EVC2: variants seen among roughly 807,000 people sequenced by gnomAD.
EVC2 encodes the protein limbin.
EVC2 carries 148 observed loss-of-function variants against 149.3 expected under a neutral mutation model. That is an observed-to-expected ratio of 0.99 (90% CI 0.87 to 1.14). The LOEUF is 1.14. Ranked by LOEUF, EVC2 falls within the 50% of genes most tolerant of loss-of-function variation. The probability of loss-of-function intolerance (pLI) is 0.00; values close to 1 mark genes in which losing one functional copy is unlikely to be tolerated. For synonymous variants in EVC2, 776 were observed against 649.9 expected (o/e 1.19, Z -2.95); for missense variants, 1,854 against 1,627.3 (o/e 1.14, Z -2.40).
rs1403003268 is a variant in EVC2 at position 5,657,419 on chromosome 4, G to A, written c.1145+5688C>T. Among the ~76,000 whole-genome samples, 1 of 152,024 alleles carries A rather than the reference G, an allele frequency of 6.6e-6. No homozygotes were observed. The highest frequency in any genetic ancestry group is 1.5e-5 in the Non-Finnish European group (1 of 68,004). On this transcript the variant is annotated intron_variant, in intron 9 of 21. Transcript: ENST00000344408. The surrounding 1 kb of genome is among the most constrained non-coding windows in gnomAD (Gnocchi z 4.7). ...TCCTTCCATCAAACAGAATCTCCCT[G>A]CAAGAGTGTCCCAGCCACAGGACAT... is the stretch of plus-strand genomic sequence containing the variant.
chr4:5,555,897 T>C (rs183439300), intron 21 of EVC2, among the ~76,000 whole-genome samples: 6 of 152,218 alleles, frequency 3.9e-5, no homozygotes, highest in Non-Finnish European at 8.8e-5. Flanking sequence ...ACAAACTTAA[T>C]AGCCGGGTGT....
chr4:5,599,133 C>G (rs1360833722), intron 16 of EVC2, among the ~76,000 whole-genome samples: 1 of 151,876 alleles, frequency 6.6e-6, no homozygotes, highest in East Asian at 1.9e-4. Flanking sequence ...GGACTGTAAA[C>G]TAGTTCAACC....
chr4:5,622,919 G>A lies in EVC2; in HGVS notation c.2119C>T (p.Leu707=), dbSNP rs1244368340. ...TCCATCAGGCTCCTCTTCTGGTGCA[G>A]GTACTGGCCGGCATCCTCAACCGTT... ...FRTVEDAGQY[L]HQKRSLMEEH... is the part of the protein sequence containing the mutation. The change falls in exon 14 of 22, where the codon CTG becomes TTG. Residue 707 remains leucine (L), a synonymous_variant. Coordinates refer to ENST00000344408, the MANE Select transcript of EVC2 (RefSeq NM_147127.5). This position sits in a 1 kb window ranked among gnomAD's most constrained non-coding sequence, Gnocchi z 5.8. 6.2e-7 allele frequency: 1 copy of A among 1,614,068 alleles called. No individual in the cohort carries two copies. Among genetic ancestry groups the A allele is most frequent in the Non-Finnish European group, 8.5e-7 (1 of 1,180,050 alleles).
At chr4:5,556,714 C>T (rs544259350) in intron 21 of EVC2, among the ~76,000 whole-genome samples, 1 of 151,878 alleles carries the variant, frequency 6.6e-6, no homozygotes, top group Non-Finnish European at 1.5e-5. Context: ...AAAAAGAAAA[C>T]ATGAAAATTA....
intron 13 of EVC2, among the ~76,000 whole-genome samples, chr4:5,624,304 C>T (rs1560174097): frequency 6.6e-6 from 1 of 152,178 alleles, no homozygotes; most frequent in Non-Finnish European, 1.5e-5. Flanking sequence ...ATTAAGAACT[C>T]AATAAATATT....
In EVC2 at chr4:5,655,226, A is replaced by G. The variant is rs551592017; in HGVS notation, c.1145+7881T>C. On this transcript the variant is annotated intron_variant, in intron 9 of 21. Transcript: ENST00000344408. Reference sequence around the variant, plus strand: ...GCTGCGCAGGAACCTGCCACCTCTCAGGAAATCCAGAAGCAAGGATCAGGT... The same window carrying G: ...GCTGCGCAGGAACCTGCCACCTCTCGGGAAATCCAGAAGCAAGGATCAGGT... Among the ~76,000 whole-genome samples the G allele has an allele frequency of 4.6e-5, 7 of 152,304 alleles. No homozygotes were observed. In the East Asian group the frequency reaches 1.4e-3, roughly 29 times the overall value.
At chr4:5,571,317 C>CAAAAAAAAAAAA (rs1208168465) in intron 19 of EVC2, among the ~76,000 whole-genome samples, 1 of 78,506 alleles carries the variant, frequency 1.3e-5, no homozygotes. Flanking sequence ...GACTCCATCT[C>CAAAAAAAAAAAA]AAAAAAAAAA....
intron 9 of EVC2, among the ~76,000 whole-genome samples, chr4:5,651,343 G>A (rs1428174348): frequency 6.6e-6 from 1 of 152,060 alleles, no homozygotes; most frequent in Non-Finnish European, 1.5e-5. Flanking sequence ...AGGTGGATGA[G>A]TAGATAGGAT....
At chr4:5,703,564 T>C (rs1577277324) in intron 1 of EVC2, among the ~76,000 whole-genome samples, 1 of 152,176 alleles carries the variant, frequency 6.6e-6, no homozygotes, top group Non-Finnish European at 1.5e-5. Context: ...CGGGTTCCAA[T>C]CCCTCAGCCA....
At chr4:5,563,454 C>T (rs971014052) in intron 21 of EVC2, among the ~76,000 whole-genome samples, 1 of 152,216 alleles carries the variant, frequency 6.6e-6, no homozygotes, top group Non-Finnish European at 1.5e-5. Context: ...TCAAGTGATT[C>T]TCCTGCCTTA....
chr4:5,683,874 G>GC (rs148901836), intron 6 of EVC2, among the ~76,000 whole-genome samples: 1,675 of 141,482 alleles, frequency 0.012, 35 homozygotes, highest in African/African-American at 0.039. Context: ...ACGCACAGCT[G>GC]CCCGGGAACA....
chr4:5,626,629 TG>T (rs1410540339), intron 12 of EVC2, among the ~76,000 whole-genome samples: 44 of 152,240 alleles, frequency 2.9e-4, no homozygotes, highest in African/African-American at 1.1e-3. Flanking sequence ...CTACTGCGCC[TG>T]GCCGAAACAT....
chr4:5,680,269 A>C (rs1015375790), intron 7 of EVC2, among the ~76,000 whole-genome samples: 1 of 152,194 alleles, frequency 6.6e-6, no homozygotes, highest in African/African-American at 2.4e-5. Flanking sequence ...CCAGCAACAT[A>C]GTCTTTTAGT....
intron 7 of EVC2, among the ~76,000 whole-genome samples, chr4:5,667,829 T>A (rs1484531368): frequency 6.6e-6 from 1 of 152,172 alleles, no homozygotes; most frequent in Admixed American, 6.5e-5. Context: ...CAAAATTTCA[T>A]ACTCCAAGAA....
chr4:5,530,416 T>G, the EVC2 span, among the ~76,000 whole-genome samples: 1 of 152,168 alleles, frequency 6.6e-6, no homozygotes, highest in Admixed American at 6.5e-5. Context: ...AGTTGTTTAT[T>G]TATTATTGTA....
intron 5 of EVC2, among the ~76,000 whole-genome samples, chr4:5,687,591 G>C (rs1024562084): frequency 6.6e-6 from 1 of 152,140 alleles, no homozygotes; most frequent in Non-Finnish European, 1.5e-5. Flanking sequence ...TGGGGCAAGG[G>C]ACTGGGTAGG....
intron 7 of EVC2, among the ~76,000 whole-genome samples, chr4:5,673,679 G>C (rs756127726): frequency 6.6e-6 from 1 of 152,174 alleles, no homozygotes; most frequent in African/African-American, 2.4e-5. Flanking sequence ...TTCTGTCACT[G>C]CATTTATGAA....
intron 9 of EVC2, among the ~76,000 whole-genome samples, chr4:5,641,879 G>A (rs1360037105): frequency 5.3e-5 from 8 of 152,028 alleles, no homozygotes; most frequent in Admixed American, 2.0e-4. Flanking sequence ...CTATCAACCC[G>A]ATATCTAGGT....
chr4:5,631,614 C>T (rs1315790623), intron 11 of EVC2, among the ~76,000 whole-genome samples, 179 bp downstream of exon 11: 1 of 152,004 alleles, frequency 6.6e-6, no homozygotes, highest in Non-Finnish European at 1.5e-5. Context: ...GAGTTCAAGG[C>T]CTGTACTCCA....
Sources: allele counts gnomAD v4.1 joint callset (sites outside exome capture counted in the v4.1 genomes callset), GRCh38; gene constraint gnomAD v4.1.1; non-coding constraint Gnocchi (gnomAD v3.1); transcripts MANE v1.5; gene names NCBI Gene and HGNC (gene_info 2026-07-23, HGNC 2026-07-21).